The following ADGRB3 variants were observed in gnomAD, a reference collection of about 807,000 sequenced individuals.
The protein encoded by ADGRB3 is brain-specific angiogenesis inhibitor 3.
Under a neutral mutation model 193.4 loss-of-function variants are expected in ADGRB3, and 37 were observed. That is an observed-to-expected ratio of 0.19 (90% CI 0.15 to 0.25). The LOEUF is 0.25. Among genes scored for constraint, ADGRB3 ranks in the 10% least tolerant of loss-of-function variants. The pLI is 1.00. For missense variants in ADGRB3, 1,637 were observed against 1,852.9 expected (o/e 0.88, Z 2.14); for synonymous variants, 690 against 644.2 (o/e 1.07, Z -1.08).
chr6:69,061,260 A>G (rs1771739756), intron 15 of ADGRB3, among the ~76,000 whole-genome samples: 1 of 152,004 alleles, frequency 6.6e-6, no homozygotes, highest in Non-Finnish European at 1.5e-5. Flanking sequence ...ATGTTAACCC[A>G]TGCGAAACAG....
chr6:68,708,941 AT>A (rs1270834896), intron 3 of ADGRB3, among the ~76,000 whole-genome samples: 2 of 152,120 alleles, frequency 1.3e-5, no homozygotes, highest in Non-Finnish European at 2.9e-5. Flanking sequence ...CAGAAAAAAA[AT>A]CATTATATCT....
At chr6:69,040,321 CT>C (rs775726789) in intron 13 of ADGRB3, among the ~76,000 whole-genome samples, 9 of 41,540 alleles carry the variant, frequency 2.2e-4, no homozygotes, top group African/African-American at 6.6e-4. Context: ...TTCTTTCTTT[CT>C]TTCTTTCTTT....
intron 30 of ADGRB3, among the ~76,000 whole-genome samples, chr6:69,377,692 C>G (rs1167501372): frequency 6.6e-6 from 1 of 152,052 alleles, no homozygotes. Context: ...CCAACTTTCT[C>G]TAACAATTTA....
intron 3 of ADGRB3, among the ~76,000 whole-genome samples, chr6:68,648,103 G>T (rs752406877): frequency 6.6e-5 from 10 of 152,134 alleles, no homozygotes; most frequent in Non-Finnish European, 1.0e-4. Flanking sequence ...CACTTGCAGA[G>T]AATGACCTAG....
At chr6:69,347,290 G>A (rs888602585) in intron 26 of ADGRB3, among the ~76,000 whole-genome samples, 17 of 152,038 alleles carry the variant, frequency 1.1e-4, no homozygotes, top group African/African-American at 4.1e-4. Context: ...AAACCACCAT[G>A]GCACATGTAT....
intron 17 of ADGRB3, among the ~76,000 whole-genome samples, chr6:69,192,224 G>A (rs1765204079): frequency 6.6e-6 from 1 of 152,172 alleles, no homozygotes; most frequent in East Asian, 1.9e-4. Context: ...AAAGCCAACA[G>A]TGCAGCCTTC....
intron 20 of ADGRB3, among the ~76,000 whole-genome samples, chr6:69,268,193 A>C (rs1767089363): frequency 1.3e-5 from 2 of 152,162 alleles, no homozygotes; most frequent in South Asian, 4.1e-4. Flanking sequence ...AATTTGTCAT[A>C]TAATTTTTCC....
chr6:69,357,365 T>G (rs1272768018), intron 28 of ADGRB3, among the ~76,000 whole-genome samples: 1 of 152,076 alleles, frequency 6.6e-6, no homozygotes, highest in Non-Finnish European at 1.5e-5. Flanking sequence ...AAAAAGAAAT[T>G]TGTCCTTTGC....
intron 3 of ADGRB3, among the ~76,000 whole-genome samples, chr6:68,643,377 G>A (rs1325849319): frequency 7.5e-6 from 1 of 134,072 alleles, no homozygotes; most frequent in Non-Finnish European, 1.6e-5. Flanking sequence ...CCTTTGTTCT[G>A]TTTGCCCTCA....
rs187704916 is a variant in ADGRB3, at chr6:69,051,603, T to C, written c.2333+2257T>C. On this transcript the variant is annotated intron_variant, in intron 15 of 31. Coordinates refer to ENST00000370598, the MANE Select transcript of ADGRB3 (RefSeq NM_001704.3). ...CTAGTGTTTACTTCTCATTTTCTTT[T>C]ATCTCTTAAAGTAACATAATGTGAC... is the stretch of plus-strand genomic sequence containing the variant. 6.9e-3 allele frequency among the ~76,000 whole-genome samples: 1,057 copies of C among 152,344 alleles called. 14 individuals are homozygous for C. Among genetic ancestry groups the C allele is most frequent in the Non-Finnish European group, 8.0e-3 (541 of 68,022 alleles).
chr6:68,905,637 C>T (rs1766522363), intron 3 of ADGRB3, among the ~76,000 whole-genome samples: 2 of 152,094 alleles, frequency 1.3e-5, no homozygotes. Context: ...GGTCCATGAC[C>T]TCCATCTTCA....
At chr6:69,235,976 C>T (rs1766255952) in intron 19 of ADGRB3, among the ~76,000 whole-genome samples, 1 of 151,514 alleles carries the variant, frequency 6.6e-6, no homozygotes. Flanking sequence ...ATATTTTTAA[C>T]TATATTAGTA....
intron 3 of ADGRB3, among the ~76,000 whole-genome samples, chr6:68,806,945 G>A (rs185756774): frequency 9.9e-5 from 15 of 152,112 alleles, no homozygotes; most frequent in Admixed American, 7.9e-4. Context: ...ATGTGTTAAA[G>A]GTATGCATAT....
intron 10 of ADGRB3, among the ~76,000 whole-genome samples, chr6:68,979,020 C>T (rs1049610921): frequency 3.3e-5 from 5 of 151,230 alleles, no homozygotes; most frequent in African/African-American, 9.7e-5. Flanking sequence ...GTTCTATGAA[C>T]TCTCAATTAT....
intron 3 of ADGRB3, among the ~76,000 whole-genome samples, chr6:68,905,079 A>T (rs1233275383): frequency 6.6e-6 from 1 of 152,220 alleles, no homozygotes; most frequent in African/African-American, 2.4e-5. Flanking sequence ...ACAATGAAGA[A>T]AATGTATGTC....
At chr6:68,938,619 A>T (rs557911058) in intron 5 of ADGRB3, among the ~76,000 whole-genome samples, 6 of 152,084 alleles carry the variant, frequency 3.9e-5, no homozygotes, top group Non-Finnish European at 8.8e-5. Context: ...ATGCGGTATA[A>T]TAGATCTCTT....
chr6:68,807,244 T>G (rs1327889123), intron 3 of ADGRB3, among the ~76,000 whole-genome samples: 2 of 136,962 alleles, frequency 1.5e-5, no homozygotes, highest in Non-Finnish European at 3.1e-5. Context: ...TCTTTTTTTT[T>G]TTTTTTTTTT....
chr6:68,956,222 G>A (rs780718151), intron 7 of ADGRB3, 34 bp downstream of exon 7: 3 of 1,569,416 alleles, frequency 1.9e-6, no homozygotes, highest in East Asian at 2.3e-5. Context: ...ATGGGCACTC[G>A]TACCATGTAA....
At chr6:68,846,992 C>T (rs1285793459) in intron 3 of ADGRB3, among the ~76,000 whole-genome samples, 1 of 152,156 alleles carries the variant, frequency 6.6e-6, no homozygotes, top group East Asian at 1.9e-4. Context: ...GCTGGAGCTG[C>T]CCAAGACCAT....
Sources: allele counts gnomAD v4.1 joint callset (sites outside exome capture counted in the v4.1 genomes callset), GRCh38; gene constraint gnomAD v4.1.1; transcripts MANE v1.5; gene names NCBI Gene and HGNC (gene_info 2026-07-23, HGNC 2026-07-21).